The following CARD14 variants were observed in gnomAD, a reference collection of about 807,000 sequenced individuals.
CARD14 encodes the protein caspase recruitment domain-containing protein 14.
CARD14 carries 107 observed loss-of-function variants against 111.5 expected under a neutral mutation model. The ratio of observed to expected loss-of-function variants is 0.96; its 90% CI spans 0.82 to 1.13. CARD14 has a LOEUF of 1.13. CARD14 is among the 50% of genes most tolerant of loss of function. The pLI is 0.00. For synonymous variants in CARD14, 617 were observed against 579.6 expected (o/e 1.06, Z -0.93); for missense variants, 1,322 against 1,362.3 (o/e 0.97, Z 0.47).
At chr17:80,190,668 C>T in intron 9 of CARD14, 106 bp from the exon 10 acceptor site, 1 of 1,310,606 alleles carries the variant, frequency 7.6e-7, no homozygotes, top group Non-Finnish European at 1.1e-6. Context: ...TTATTTCATC[C>T]CTAGAACTGT....
Position 80,195,081 on chromosome 17 carries a change from C to T in CARD14, c.1357-110C>T. On this transcript the variant is annotated intron_variant, in intron 12 of 23. Transcript: ENST00000648509. The surrounding 1 kb of genome is among the most constrained non-coding windows in gnomAD (Gnocchi z 4.7). ...TGTGTCCTTCTTTCCCCTCCTGCCT[C>T]CTCTCCAGTCAGTTCTCACTGTGGC... The T allele has an allele frequency of 7.2e-7, 1 of 1,391,650 alleles. No individual in the cohort carries two copies. Among genetic ancestry groups the T allele is most frequent in the Non-Finnish European group, 9.7e-7 (1 of 1,034,326 alleles). The allele number at this position is 1,391,650 out of a possible 1,614,324, so 86.2% of individuals were successfully genotyped here.
intron 2 of CARD14, among the ~76,000 whole-genome samples, chr17:80,177,850 C>T (rs1325690958): frequency 1.3e-5 from 2 of 152,092 alleles, no homozygotes; most frequent in African/African-American, 4.8e-5. Context: ...AGCCCTTCTC[C>T]TCTTGTTATA....
At chr17:80,178,400 C>T (rs891806260) in intron 2 of CARD14, 108 bp from the exon 3 acceptor site, 6 of 152,114 alleles carry the variant, frequency 3.9e-5, no homozygotes, top group Admixed American at 1.3e-4. Context: ...CCGAGTCTGA[C>T]GTCTTTTCCC....
Position 80,192,570 on chromosome 17 carries a change from C to A in CARD14, c.1307C>A (p.Ala436Asp). The change falls in exon 12 of 24, where the codon GCC (alanine) becomes GAC (aspartate). Residue 436 changes from alanine (A) to aspartate (D), a missense_variant. Transcript: ENST00000648509. ...REKQRLVRMH[A>D]ICPRDDSDCS... ...AAGCAGCGGCTGGTGCGGATGCATG[C>A]CATCTGCCCCAGAGACGACAGCGAC... 6.2e-7 allele frequency: 1 copy of A among 1,613,440 alleles called. No individual in the cohort carries two copies. The highest frequency in any genetic ancestry group is 8.5e-7 in the Non-Finnish European group (1 of 1,179,916).
chr17:80,191,340 C>T lies in CARD14; in HGVS notation c.1107C>T (p.Asp369=), dbSNP rs767874623. ...GCCCACAGGCGTACTCCGCGAGGGA[C>T]AGTGCTCAGAGGGAGATTTCCCAGA... ...KERDQAYSAR[D]SAQREISQSL... is the part of the protein sequence containing the mutation. The change falls in exon 11 of 24, where the codon GAC becomes GAT. Residue 369 remains aspartate, a synonymous_variant. Coordinates refer to ENST00000648509, the MANE Select transcript of CARD14 (RefSeq NM_001366385.1). 26 of 1,613,562 alleles carry T rather than the reference C, an allele frequency of 1.6e-5. No homozygotes were observed. The highest frequency in any genetic ancestry group is 1.0e-4 in the Admixed American group (6 of 60,000).
chr17:80,205,856 A>C, intron 22 of CARD14: 1 of 485,384 alleles, frequency 2.1e-6, no homozygotes, highest in Non-Finnish European at 3.6e-6. Context: ...AGGTCTCCCA[A>C]CTCCTTGAAT....
At position 80,209,161 on chromosome 17, in the gene CARD14, C is replaced by T. The variant is rs2041519008; in HGVS notation, c.*816C>T. On this transcript the variant is annotated 3_prime_UTR_variant, in exon 24 of 24. Transcript: ENST00000648509. Reference sequence around the variant, plus strand: ...AGGGCTCGGGGAGGACCCAGGTCCGCCAGCACCTGGCCTTGCCCCTGCCTC... The same window carrying T: ...AGGGCTCGGGGAGGACCCAGGTCCGTCAGCACCTGGCCTTGCCCCTGCCTC... 3.2e-6 allele frequency: 1 copy of T among 314,680 alleles called. No homozygotes were observed. The highest frequency in any genetic ancestry group is 2.2e-5 in the African/African-American group (1 of 44,498). 19.5% of individuals were successfully genotyped at this position (314,680 alleles called of 1,614,324 possible). A position where few individuals can be genotyped will look rare whatever the true frequency, so the allele number is the denominator to read the frequency against.
Position 80,198,452 on chromosome 17 carries a change from T to C in CARD14, c.1712T>C (p.Met571Thr). Reference sequence around the variant, plus strand: ...CGCAGGATCCTGAGCCAGGTCACCATGCTGGCGTTCCAGGGGGATGCATTG... The same window carrying C: ...CGCAGGATCCTGAGCCAGGTCACCACGCTGGCGTTCCAGGGGGATGCATTG... ...PARRILSQVTMLAFQGDALLE... is the reference protein window; with the variant it reads ...PARRILSQVTTLAFQGDALLE... Residue 571 changes from methionine (M) to threonine (T), a missense_variant, in exon 16 of 24, where the codon ATG becomes ACG. Coordinates refer to ENST00000648509, the MANE Select transcript of CARD14 (RefSeq NM_001366385.1). The surrounding 1 kb of genome is among the most constrained non-coding windows in gnomAD (Gnocchi z 7.5). 1 of 1,612,164 alleles carries C rather than the reference T, an allele frequency of 6.2e-7. No homozygotes were observed.
intron 12 of CARD14, among the ~76,000 whole-genome samples, chr17:80,193,636 G>A (rs1407353116): frequency 6.6e-6 from 1 of 152,186 alleles, no homozygotes; most frequent in Non-Finnish European, 1.5e-5. Flanking sequence ...ATGCCTTGGG[G>A]TGGACCTGGT....
Position 80,198,862 on chromosome 17 carries a change from TG to T in CARD14, c.1851+274del, listed in dbSNP as rs2040825858. The T allele has an allele frequency of 2.8e-6, 4 of 1,450,836 alleles. No individual in the cohort carries two copies. The African/African-American group carries it at 5.6e-5, about 20-fold the overall frequency. 89.9% of individuals were successfully genotyped at this position (1,450,836 alleles called of 1,614,324 possible). The stretch of plus-strand genomic sequence containing the variant: ...ATGAGGCCCCTTGACAGGGCTGCTC[TG>T]GGTGGTCACTTTGGGTGTGTACAGT... On this transcript the variant is annotated intron_variant, in intron 16 of 23. Coordinates refer to ENST00000648509, the MANE Select transcript of CARD14 (RefSeq NM_001366385.1). The surrounding 1 kb of genome is among the most constrained non-coding windows in gnomAD (Gnocchi z 7.5).
In CARD14 at chr17:80,205,614, T is replaced by C; in HGVS notation, c.2653T>C (p.Trp885Arg). The C allele has an allele frequency of 6.7e-7, 1 of 1,493,974 alleles. No homozygotes were observed. Among genetic ancestry groups the C allele is most frequent in the Non-Finnish European group, 9.0e-7 (1 of 1,111,658 alleles). 92.5% of individuals were successfully genotyped at this position (1,493,974 alleles called of 1,614,324 possible). ...GGGAGAGGTGTCCGGGGGCCGCTGC[T>C]GGGTGACCCGCCATGCTGTGGAGTC... ...QEGEVSGGRC[W>R]VTRHAVESLM... The change falls in exon 22 of 24, where the codon TGG (tryptophan) becomes CGG (arginine). Residue 885 changes from tryptophan (W) to arginine (R), a missense_variant. By Grantham distance (101) the Trp-to-Arg change is moderately radical (BLOSUM62 -3). Transcript: ENST00000648509.
At position 80,198,145 on chromosome 17, in the gene CARD14, G is replaced by T; in HGVS notation, c.1641G>T (p.Arg547Ser). ...ESSLQPVSPG[R>S]LDVSESGVLM... ...GCCTGCAGCCAGTCTCCCCTGGAAGGCTTGATGTCTCGGAGAGGTAAGCAG... is the reference window on the plus strand; with the variant it reads ...GCCTGCAGCCAGTCTCCCCTGGAAGTCTTGATGTCTCGGAGAGGTAAGCAG... Residue 547 changes from arginine to serine, a missense_variant, in exon 15 of 24, where the codon AGG becomes AGT. Transcript: ENST00000648509. The surrounding 1 kb of genome is among the most constrained non-coding windows in gnomAD (Gnocchi z 7.5). 6.2e-7 allele frequency: 1 copy of T among 1,613,206 alleles called. No individual in the cohort carries two copies. Among genetic ancestry groups the T allele is most frequent in the Non-Finnish European group, 8.5e-7 (1 of 1,179,670 alleles).
chr17:80,194,897 T>C (rs1411744533), intron 12 of CARD14, among the ~76,000 whole-genome samples: 1 of 152,186 alleles, frequency 6.6e-6, no homozygotes, highest in Non-Finnish European at 1.5e-5. Context: ...TCACTTTACA[T>C]GTAAAATGGG....
In CARD14 at chr17:80,195,399, G is replaced by C; in HGVS notation, c.1499+66G>C. 2 of 1,562,348 alleles carry C rather than the reference G, an allele frequency of 1.3e-6. No homozygotes were observed. The highest frequency in any genetic ancestry group is 4.6e-5 in the East Asian group (2 of 43,850). ...GGGTCCTTCCTGGCAACTCACCAGA[G>C]ACACCAACCTAGACCTCAGGGCATC... On this transcript the variant is annotated intron_variant, in intron 13 of 23. Transcript: ENST00000648509. This position sits in a 1 kb window ranked among gnomAD's most constrained non-coding sequence, Gnocchi z 4.7.
intron 18 of CARD14, 186 bp downstream of exon 18, chr17:80,202,606 T>C (rs1045589952): frequency 7.0e-7 from 1 of 1,427,440 alleles, no homozygotes; most frequent in South Asian, 1.5e-5. Flanking sequence ...GCTTTATATA[T>C]TGCAAATGAA....
chr17:80,198,232 TGA>T lies in CARD14; in HGVS notation c.1658+72_1658+73del, dbSNP rs2040789690. 11 of 1,586,410 alleles carry T rather than the reference TGA, an allele frequency of 6.9e-6. No individual in the cohort carries two copies. The highest frequency in any genetic ancestry group is 1.7e-5 in the Admixed American group (1 of 59,860). ...GGCCAGGGAGTGGCAGAGCAGAGGG[TGA>T]GTGTCCTATTACCAATGGGAGGCAA... On this transcript the variant is annotated intron_variant, in intron 15 of 23. Coordinates refer to ENST00000648509, the MANE Select transcript of CARD14 (RefSeq NM_001366385.1). This position sits in a 1 kb window ranked among gnomAD's most constrained non-coding sequence, Gnocchi z 7.5.
Position 80,201,474 on chromosome 17 carries a change from A to G in CARD14, c.1852-270A>G. On this transcript the variant is annotated intron_variant, in intron 16 of 23. Transcript: ENST00000648509. This position sits in a 1 kb window ranked among gnomAD's most constrained non-coding sequence, Gnocchi z 5.0. ...CTTTTCTTTTCTTTTTCAAGACAGG[A>G]AAGTGCTTATCACAAAGAACCCCCG... The G allele has an allele frequency of 2.1e-6, 1 of 479,322 alleles. No individual in the cohort carries two copies. Among genetic ancestry groups the G allele is most frequent in the Non-Finnish European group, 3.7e-6 (1 of 268,042 alleles). The allele number at this position is 479,322 out of a possible 1,614,324, so 29.7% of individuals were successfully genotyped here. A position where few individuals can be genotyped will look rare whatever the true frequency, so the allele number is the denominator to read the frequency against.
chr17:80,190,637 A>AGC, intron 9 of CARD14, 137 bp from the exon 10 acceptor site: 1 of 834,808 alleles, frequency 1.2e-6, no homozygotes, highest in Non-Finnish European at 1.7e-6. Flanking sequence ...AAAGAGAGAG[A>AGC]GAGACGAGTG....
chr17:80,200,424 A>G (rs1345245408), intron 16 of CARD14, among the ~76,000 whole-genome samples: 1 of 151,640 alleles, frequency 6.6e-6, no homozygotes, highest in Non-Finnish European at 1.5e-5. Flanking sequence ...TTTAGTAGAG[A>G]CAGGGCTTCA....
Sources: gnomAD v4.1 joint callset for allele counts (sites outside exome capture counted in the v4.1 genomes callset) on GRCh38, gnomAD v4.1.1 for gene constraint, Gnocchi (gnomAD v3.1) non-coding constraint, MANE v1.5 for transcripts, NCBI Gene and HGNC (gene_info 2026-07-23, HGNC 2026-07-21) for gene names.